RNF144B: variants seen among roughly 807,000 people sequenced by gnomAD.
RNF144B encodes the protein ring finger protein 144B, also known as E3 ubiquitin-protein ligase RNF144B.
RNF144B carries 25 observed loss-of-function variants against 40.2 expected under a neutral mutation model. The ratio of observed to expected loss-of-function variants is 0.62; its 90% CI spans 0.45 to 0.87. RNF144B has a LOEUF of 0.87. Ranked by LOEUF, RNF144B falls within the 40% of genes least tolerant of loss-of-function variation. RNF144B has a pLI of 0.00. For synonymous variants in RNF144B, 145 were observed against 136.3 expected, an observed-to-expected ratio of 1.06 and a Z score of -0.44; for missense variants, 365 against 373.7, an observed-to-expected ratio of 0.98 and a Z score of 0.19.
intron 4 of RNF144B, among the ~76,000 whole-genome samples, chr6:18,455,205 C>G (rs1339027808): frequency 6.6e-6 from 1 of 152,168 alleles, no homozygotes; most frequent in Non-Finnish European, 1.5e-5. Flanking sequence ...GGGTCCATCT[C>G]TGTTGGGGTC....
intron 4 of RNF144B, among the ~76,000 whole-genome samples, chr6:18,451,984 G>C (rs1325405936): frequency 2.0e-5 from 3 of 152,028 alleles, no homozygotes; most frequent in Non-Finnish European, 4.4e-5. Context: ...GGAGAGCTAT[G>C]GTCTAATAGA....
In RNF144B at chr6:18,425,075, T is replaced by G. The variant is rs1261022853; in HGVS notation, c.166-2506T>G. 6.8e-6 allele frequency among the ~76,000 whole-genome samples: 1 copy of G among 147,138 alleles called. No individual in the cohort carries two copies. Among genetic ancestry groups the G allele is most frequent in the Non-Finnish European group, 1.5e-5 (1 of 66,606 alleles). On this transcript the variant is annotated intron_variant, in intron 2 of 7. Coordinates refer to ENST00000259939, the MANE Select transcript of RNF144B (RefSeq NM_182757.4). The surrounding 1 kb of genome is among the most constrained non-coding windows in gnomAD (Gnocchi z 4.2). ...TGTGTGGGTGTGTGTGTGTGTGTGT[T>G]AAAACCTGTGAGGTAACTATAACAG... is the stretch of plus-strand genomic sequence containing the variant.
intron 2 of RNF144B, among the ~76,000 whole-genome samples, chr6:18,400,000 G>T (rs539524901): frequency 1.3e-5 from 2 of 152,102 alleles, no homozygotes; most frequent in African/African-American, 4.8e-5. Flanking sequence ...GGCCAGGTGC[G>T]TTGCCTCACA....
At position 18,460,173 on chromosome 6, in the gene RNF144B, A is replaced by C. The variant is rs575739353; in HGVS notation, c.681+422A>C. 6.6e-6 allele frequency among the ~76,000 whole-genome samples: 1 copy of C among 152,258 alleles called. No homozygotes were observed. The highest frequency in any genetic ancestry group is 2.4e-5 in the African/African-American group (1 of 41,544). On this transcript the variant is annotated intron_variant, in intron 6 of 7. Transcript: ENST00000259939. This position sits in a 1 kb window ranked among gnomAD's most constrained non-coding sequence, Gnocchi z 4.4. ...AAAATCAAGGTGTCAGCCGGGCTGC[A>C]TTTCTTTCTGGAGGCTTTAGGGGAG...
rs543836 is a variant in RNF144B at position 18,463,129 on chromosome 6, C to G, written c.682-162C>G. Among the ~76,000 whole-genome samples, 70,456 of 151,732 alleles carry G rather than the reference C, an allele frequency of 0.46. 16,651 individuals are homozygous for G. Among genetic ancestry groups the G allele is most frequent in the African/African-American group, 0.54 (22,240 of 41,350 alleles). On this transcript the variant is annotated intron_variant, in intron 6 of 7. Coordinates refer to ENST00000259939, the MANE Select transcript of RNF144B (RefSeq NM_182757.4). ...GATCTGCTTTCACTTTGGTGATTTACAAAACTACCAAGATAAAGATTACAG... is the reference window on the plus strand; with the variant it reads ...GATCTGCTTTCACTTTGGTGATTTAGAAAACTACCAAGATAAAGATTACAG...
At chr6:18,429,325 GATAT>G (rs1231499728) in intron 3 of RNF144B, among the ~76,000 whole-genome samples, 3 of 148,268 alleles carry the variant, frequency 2.0e-5, no homozygotes, top group Non-Finnish European at 4.5e-5. Context: ...TGTGTGTATA[GATAT>G]ATATACTGTA....
chr6:18,449,074 A>G (rs549090477), intron 4 of RNF144B, among the ~76,000 whole-genome samples: 1 of 152,366 alleles, frequency 6.6e-6, no homozygotes, highest in South Asian at 2.1e-4. Context: ...TATAGTGAGT[A>G]GAACCACACT....
intron 3 of RNF144B, among the ~76,000 whole-genome samples, chr6:18,432,804 C>T (rs1380407482): frequency 6.6e-6 from 1 of 152,200 alleles, no homozygotes; most frequent in Admixed American, 6.5e-5. Context: ...GAGCTTCTCA[C>T]TCACTAATCT....
chr6:18,442,278 T>C lies in RNF144B; in HGVS notation c.331+2534T>C, dbSNP rs1758981938. Among the ~76,000 whole-genome samples the C allele has an allele frequency of 6.6e-6, 1 of 152,254 alleles. No homozygotes were observed. Among genetic ancestry groups the C allele is most frequent in the East Asian group, 1.9e-4 (1 of 5,204 alleles). ...GCAGGCATCTGAGCCAGTCTATCTT[T>C]TTTAGGTGGTGATGCATATTTCTAC... is the stretch of plus-strand genomic sequence containing the variant. On this transcript the variant is annotated intron_variant, in intron 4 of 7. Transcript: ENST00000259939. The surrounding 1 kb of genome is among the most constrained non-coding windows in gnomAD (Gnocchi z 4.3).
intron 3 of RNF144B, 107 bp from the exon 4 acceptor site, chr6:18,439,577 G>T: frequency 1.3e-6 from 1 of 760,196 alleles, no homozygotes. Context: ...GCAAACAATT[G>T]GTGTAGAGAA....
At chr6:18,404,744 TG>T (rs1794861065) in intron 2 of RNF144B, among the ~76,000 whole-genome samples, 1 of 152,216 alleles carries the variant, frequency 6.6e-6, no homozygotes, top group Admixed American at 6.5e-5. Context: ...AGTAAATAGA[TG>T]AGCACATTTA....
chr6:18,408,811 C>T (rs1489973621), intron 2 of RNF144B, among the ~76,000 whole-genome samples: 4 of 152,096 alleles, frequency 2.6e-5, no homozygotes, highest in African/African-American at 4.8e-5. Flanking sequence ...TGAGAGTATA[C>T]CCCATACTCT....
rs1759571584 is a variant in RNF144B at position 18,466,418 on chromosome 6, A to C, written c.*1351A>C. ...TGATAAAACCGCAACAAAAACATGT[A>C]AGAAATAAAATAGAAATGCTTTATA... On this transcript the variant is annotated 3_prime_UTR_variant, in exon 8 of 8. Coordinates refer to ENST00000259939, the MANE Select transcript of RNF144B (RefSeq NM_182757.4). 6.6e-6 allele frequency: 1 copy of C among 151,988 alleles called. No individual in the cohort carries two copies. The highest frequency in any genetic ancestry group is 6.5e-5 in the Admixed American group (1 of 15,278). The allele number at this position is 151,988 out of a possible 1,614,324, so 9.4% of individuals were successfully genotyped here. A position where few individuals can be genotyped will look rare whatever the true frequency, so the allele number is the denominator to read the frequency against.
chr6:18,446,867 G>GTC lies in RNF144B; in HGVS notation c.331+7124_331+7125insCT, dbSNP rs1554181607. On this transcript the variant is annotated intron_variant, in intron 4 of 7. Coordinates refer to ENST00000259939, the MANE Select transcript of RNF144B (RefSeq NM_182757.4). This position sits in a 1 kb window ranked among gnomAD's most constrained non-coding sequence, Gnocchi z 4.7. The stretch of plus-strand genomic sequence containing the variant: ...TGTGTGTGTGTGTGTGTGTGTGTGT[G>GTC]TGTGTGTCTGTGTGTGTGTTGTGTG... Among the ~76,000 whole-genome samples, 11 of 150,950 alleles carry GTC rather than the reference G, an allele frequency of 7.3e-5. No homozygotes were observed. The highest frequency in any genetic ancestry group is 1.0e-4 in the Non-Finnish European group (7 of 67,660).
rs1238634578 is a variant in RNF144B, at chr6:18,448,690, A to ACG, written c.332-8464_332-8463insGC. On this transcript the variant is annotated intron_variant, in intron 4 of 7. Coordinates refer to ENST00000259939, the MANE Select transcript of RNF144B (RefSeq NM_182757.4). This position sits in a 1 kb window ranked among gnomAD's most constrained non-coding sequence, Gnocchi z 4.0. ...CATTTTATTTTGAAAGCCAGCATGC[A>ACG]CACACACACACACACACACACACAC... is the stretch of plus-strand genomic sequence containing the variant. Among the ~76,000 whole-genome samples, 1 of 111,678 alleles carries ACG rather than the reference A, an allele frequency of 9.0e-6. No individual in the cohort carries two copies. The highest frequency in any genetic ancestry group is 2.1e-5 in the Non-Finnish European group (1 of 47,124). 73.3% of individuals were successfully genotyped at this position (111,678 alleles called of 152,430 possible). A position where few individuals can be genotyped will look rare whatever the true frequency, so the allele number is the denominator to read the frequency against.
intron 2 of RNF144B, among the ~76,000 whole-genome samples, chr6:18,415,162 G>A (rs767897467): frequency 6.6e-6 from 1 of 152,012 alleles, no homozygotes; most frequent in Non-Finnish European, 1.5e-5. Flanking sequence ...TATATTTTCT[G>A]TCCGTGGTTG....
At chr6:18,387,678 A>C in intron 1 of RNF144B, 48 bp downstream of exon 1, 1 of 1,275,762 alleles carries the variant, frequency 7.8e-7, no homozygotes, top group Non-Finnish European at 1.0e-6. Context: ...CAAGACCGGA[A>C]TGGTGTTGCT....
In RNF144B at chr6:18,399,616, A is replaced by G; in HGVS notation, c.82A>G (p.Ile28Val). ...TGGAGACCTGGCTCCGGCCCCCCTC[A>G]TCACTTGCAAACTCTGCCTGTGTGA... ...TPGDLAPAPLITCKLCLCEQS... is the reference protein window; with the variant it reads ...TPGDLAPAPLVTCKLCLCEQS... Residue 28 changes from isoleucine (I) to valine (V), a missense_variant, in exon 2 of 8, where the codon ATC becomes GTC. Ile to Val is a conservative substitution (Grantham distance 29). Transcript: ENST00000259939. 1 of 1,614,110 alleles carries G rather than the reference A, an allele frequency of 6.2e-7. No individual in the cohort carries two copies. Among genetic ancestry groups the G allele is most frequent in the Non-Finnish European group, 8.5e-7 (1 of 1,180,008 alleles).
chr6:18,431,399 C>T (rs1041310681), intron 3 of RNF144B, among the ~76,000 whole-genome samples: 3 of 152,086 alleles, frequency 2.0e-5, no homozygotes, highest in Admixed American at 6.5e-5. Context: ...CATAGGCCTC[C>T]TCCTTTGAAA....
Sources: allele counts gnomAD v4.1 joint callset (sites outside exome capture counted in the v4.1 genomes callset), GRCh38; gene constraint gnomAD v4.1.1; non-coding constraint Gnocchi (gnomAD v3.1); transcripts MANE v1.5; gene names NCBI Gene and HGNC (gene_info 2026-07-23, HGNC 2026-07-21).